KCTD3: variants seen among roughly 807,000 people sequenced by gnomAD.
The protein encoded by KCTD3 is BTB/POZ domain-containing protein KCTD3.
Under a neutral mutation model 85.8 loss-of-function variants are expected in KCTD3, and 41 were observed. The observed-to-expected ratio is 0.48, with a 90% confidence interval of 0.37 to 0.62. KCTD3 has a LOEUF of 0.62. Ranked by LOEUF, KCTD3 falls within the 20% of genes least tolerant of loss-of-function variation. The pLI is 0.00. For synonymous variants in KCTD3, 338 were observed against 345.4 expected (o/e 0.98, Z 0.24); for missense variants, 724 against 989.9 (o/e 0.73, Z 3.60).
chr1:215,588,464 A>G (rs548569951), intron 9 of KCTD3, among the ~76,000 whole-genome samples: 1 of 151,940 alleles, frequency 6.6e-6, no homozygotes, highest in South Asian at 2.1e-4. Flanking sequence ...ATGTTCTTGA[A>G]AGTCTATGGC....
intron 4 of KCTD3, among the ~76,000 whole-genome samples, chr1:215,576,584 TA>T (rs984061021): frequency 6.6e-6 from 1 of 151,640 alleles, no homozygotes; most frequent in African/African-American, 2.4e-5. Flanking sequence ...CGAAATAGAA[TA>T]AGAAAGTTTG....
At chr1:215,607,146 C>T (rs1655056381) in intron 13 of KCTD3, among the ~76,000 whole-genome samples, 1 of 151,830 alleles carries the variant, frequency 6.6e-6, no homozygotes, top group African/African-American at 2.4e-5. Context: ...ATATGTAACA[C>T]ATTTTTACCC....
At chr1:215,574,427 T>C (rs1193269309) in intron 3 of KCTD3, among the ~76,000 whole-genome samples, 1 of 152,136 alleles carries the variant, frequency 6.6e-6, no homozygotes, top group African/African-American at 2.4e-5. Context: ...TAAATGTAAA[T>C]ATTCTAATAT....
At chr1:215,591,291 C>G (rs982337502) in intron 9 of KCTD3, among the ~76,000 whole-genome samples, 1 of 26,980 alleles carries the variant, frequency 3.7e-5, no homozygotes, top group Non-Finnish European at 7.9e-5. Context: ...TCCTTCTTTC[C>G]TTCCTTCCTT....
chr1:215,614,018 GTTTTTTTTTTT>G (rs577770912), intron 15 of KCTD3, among the ~76,000 whole-genome samples: 1,071 of 66,280 alleles, frequency 0.016, 23 homozygotes, highest in Non-Finnish European at 0.022. Flanking sequence ...CTTTAGAATA[GTTTTTTTTTTT>G]TTTTTTTTTT....
chr1:215,612,071 TAAGAC>T, intron 15 of KCTD3, 150 bp downstream of exon 15: 2 of 592,688 alleles, frequency 3.4e-6, no homozygotes, highest in Non-Finnish European at 6.1e-6. Context: ...AACTCAAAAT[TAAGAC>T]AGTAGACTTT....
intron 9 of KCTD3, among the ~76,000 whole-genome samples, chr1:215,593,056 A>C (rs757326625): frequency 1.3e-5 from 2 of 152,196 alleles, no homozygotes; most frequent in Non-Finnish European, 2.9e-5. Flanking sequence ...TGCCTTTCAC[A>C]TAGCCCATAA....
chr1:215,600,217 T>G (rs1393158665), intron 10 of KCTD3, among the ~76,000 whole-genome samples: 1 of 152,224 alleles, frequency 6.6e-6, no homozygotes, highest in African/African-American at 2.4e-5. Context: ...ATATTTCTTG[T>G]GTAACTCATA....
intron 3 of KCTD3, among the ~76,000 whole-genome samples, chr1:215,574,957 G>T (rs547757389): frequency 6.6e-6 from 1 of 152,172 alleles, no homozygotes; most frequent in East Asian, 1.9e-4. Flanking sequence ...TCCATAAAAA[G>T]TTATCAATTA....
At chr1:215,605,013 A>G (rs1028552969) in intron 13 of KCTD3, among the ~76,000 whole-genome samples, 7 of 152,192 alleles carry the variant, frequency 4.6e-5, no homozygotes, top group African/African-American at 1.7e-4. Context: ...GTAAAATTCT[A>G]TTGAAGAAAT....
chr1:215,587,700 T>C (rs918830057), intron 9 of KCTD3, among the ~76,000 whole-genome samples: 3 of 152,340 alleles, frequency 2.0e-5, no homozygotes, highest in East Asian at 1.9e-4. Flanking sequence ...TACACAGATA[T>C]GTAGTTGGAA....
intron 12 of KCTD3, 69 bp from the exon 13 acceptor site, chr1:215,604,063 G>A (rs1654925468): frequency 8.2e-7 from 1 of 1,224,138 alleles, no homozygotes; most frequent in African/African-American, 1.5e-5. Context: ...TCATAGGGAA[G>A]CTTTGCGAGG....
At chr1:215,570,485 A>T (rs1026302146) in intron 1 of KCTD3, among the ~76,000 whole-genome samples, 4 of 152,302 alleles carry the variant, frequency 2.6e-5, no homozygotes, top group African/African-American at 9.6e-5. Context: ...GGGACTAGCC[A>T]TTGAGGACTC....
At chr1:215,594,432 C>T (rs918774299) in intron 9 of KCTD3, among the ~76,000 whole-genome samples, 4 of 152,288 alleles carry the variant, frequency 2.6e-5, no homozygotes, top group South Asian at 2.1e-4. Context: ...TACAACCTCT[C>T]TCACCTACAC....
intron 15 of KCTD3, among the ~76,000 whole-genome samples, chr1:215,612,675 C>G (rs1009738521): frequency 6.6e-6 from 1 of 152,120 alleles, no homozygotes; most frequent in African/African-American, 2.4e-5. Flanking sequence ...GTAAATACAA[C>G]TCAAGTTATT....
intron 1 of KCTD3, among the ~76,000 whole-genome samples, chr1:215,568,576 T>C (rs1659244982): frequency 6.8e-6 from 1 of 148,114 alleles, no homozygotes; most frequent in Non-Finnish European, 1.5e-5. Flanking sequence ...AACTTATGAG[T>C]CACTCCTCTC....
intron 8 of KCTD3, 114 bp from the exon 9 acceptor site, chr1:215,586,381 G>C (rs1660009214): frequency 2.3e-6 from 2 of 866,142 alleles, no homozygotes; most frequent in Non-Finnish European, 3.6e-6. Context: ...ATGGGTAACT[G>C]TTTAGTTTTT....
chr1:215,577,576 A>G lies in KCTD3; in HGVS notation c.258-94A>G, dbSNP rs1056122745. The G allele has an allele frequency of 2.7e-5, 21 of 776,502 alleles. No individual in the cohort carries two copies. In the African/African-American group the frequency reaches 2.9e-4, roughly 11 times the overall value. 48.1% of individuals were successfully genotyped at this position (776,502 alleles called of 1,614,324 possible). On this transcript the variant is annotated intron_variant, in intron 4 of 17. Coordinates refer to ENST00000259154, the MANE Select transcript of KCTD3 (RefSeq NM_016121.5). ...AAATAATTTTTAAAGCCTTATGACT[A>G]TATACATGAAGAACCTAGAATTTTT...
At chr1:215,611,294 C>G (rs1163839033) in intron 14 of KCTD3, among the ~76,000 whole-genome samples, 1 of 151,728 alleles carries the variant, frequency 6.6e-6, no homozygotes. Context: ...TACCAATTAC[C>G]TTATATAAAA....
Sources: allele counts gnomAD v4.1 joint callset (sites outside exome capture counted in the v4.1 genomes callset), GRCh38; gene constraint gnomAD v4.1.1; transcripts MANE v1.5; gene names NCBI Gene and HGNC (gene_info 2026-07-23, HGNC 2026-07-21).